The following CACNB2 variants were observed in gnomAD, a reference collection of about 807,000 sequenced individuals.
The protein encoded by CACNB2 is voltage-dependent L-type calcium channel subunit beta-2.
CACNB2 carries 42 observed loss-of-function variants against 73.3 expected under a neutral mutation model. The observed-to-expected ratio is 0.57, with a 90% CI of 0.45 to 0.74. CACNB2 has a LOEUF of 0.74. Ranked by LOEUF, CACNB2 falls within the 30% of genes least tolerant of loss-of-function variation. The probability of loss-of-function intolerance (pLI) is 0.00; values close to 1 mark genes in which losing one functional copy is unlikely to be tolerated. For missense variants in CACNB2, 940 were observed against 853.0 expected (o/e 1.10, Z -1.27); for synonymous variants, 348 against 310.3 (o/e 1.12, Z -1.28).
Position 18,145,358 on chromosome 10 carries a change from T to G in CACNB2, c.120+4502T>G, listed in dbSNP as rs146396031. Among the ~76,000 whole-genome samples the G allele has an allele frequency of 8.4e-3, 1,277 of 152,354 alleles. 18 individuals carry two copies. Among genetic ancestry groups the G allele is most frequent in the African/African-American group, 0.029 (1,217 of 41,578 alleles). On this transcript the variant is annotated intron_variant, in intron 1 of 13. Transcript: ENST00000324631. ...AGTTGGTGGTTACAGGTCCTGTGCT[T>G]TATGTTTTGCTGAAATCTTCACTCT...
At chr10:18,416,172 G>A (rs145295562) in intron 3 of CACNB2, among the ~76,000 whole-genome samples, 12 of 152,042 alleles carry the variant, frequency 7.9e-5, no homozygotes, top group African/African-American at 2.4e-4. Context: ...ACCCTTTTCA[G>A]TCTGTTATTT....
chr10:18,509,599 G>C (rs117051761), intron 6 of CACNB2, among the ~76,000 whole-genome samples: 1,931 of 152,202 alleles, frequency 0.013, 20 homozygotes, highest in African/African-American at 0.017. Flanking sequence ...AGGAGTTCAA[G>C]ACCAGCCTGG....
chr10:18,444,378 C>A (rs1343582025), intron 3 of CACNB2, among the ~76,000 whole-genome samples: 1 of 152,162 alleles, frequency 6.6e-6, no homozygotes. Flanking sequence ...CACTGTGTGT[C>A]CTTCAGCAAG....
rs1564429341 is a variant in CACNB2 at position 18,315,527 on chromosome 10, A to AC, written c.214-86397_214-86396insC. ...AAAAAAAAAAAAAAAAAAAAAAAAA[A>AC]ACTTTTTTTTTTTTTAATTAGCCAG... On this transcript the variant is annotated intron_variant, in intron 2 of 13. Transcript: ENST00000324631. Among the ~76,000 whole-genome samples, 7 of 61,928 alleles carry AC rather than the reference A, an allele frequency of 1.1e-4. 1 individual carries two copies. Among genetic ancestry groups the AC allele is most frequent in the Admixed American group, 3.8e-4 (2 of 5,246 alleles). The allele number at this position is 61,928 out of a possible 152,430, so 40.6% of individuals were successfully genotyped here.
At chr10:18,166,025 A>G (rs1477563147) in intron 2 of CACNB2, among the ~76,000 whole-genome samples, 1 of 152,150 alleles carries the variant, frequency 6.6e-6, no homozygotes, top group Admixed American at 6.5e-5. Context: ...GTAAATATCA[A>G]TTGATCTTAT....
chr10:18,431,617 C>A (rs1404702950), intron 3 of CACNB2, among the ~76,000 whole-genome samples: 8 of 152,054 alleles, frequency 5.3e-5, no homozygotes, highest in Non-Finnish European at 7.3e-5. Flanking sequence ...ATATAAATTA[C>A]AATATTTTCC....
chr10:18,269,481 G>C (rs953336514), intron 2 of CACNB2, among the ~76,000 whole-genome samples: 2 of 152,180 alleles, frequency 1.3e-5, no homozygotes, highest in African/African-American at 4.8e-5. Flanking sequence ...CTCTAGAGAA[G>C]CTGGTGAATG....
intron 3 of CACNB2, among the ~76,000 whole-genome samples, chr10:18,405,507 C>A (rs2044240793): frequency 6.6e-6 from 1 of 152,098 alleles, no homozygotes; most frequent in Non-Finnish European, 1.5e-5. Flanking sequence ...TATGTATGTA[C>A]TTTGGAGTGA....
At chr10:18,167,786 A>G (rs2032958070) in intron 2 of CACNB2, among the ~76,000 whole-genome samples, 1 of 152,196 alleles carries the variant, frequency 6.6e-6, no homozygotes, top group South Asian at 2.1e-4. Flanking sequence ...ACAAATCTAT[A>G]GTTTAAGGAA....
At chr10:18,432,710 C>T (rs1482885193) in intron 3 of CACNB2, among the ~76,000 whole-genome samples, 3 of 151,950 alleles carry the variant, frequency 2.0e-5, no homozygotes, top group Non-Finnish European at 4.4e-5. Context: ...GTGGAGTGTA[C>T]CTGTAGTCCC....
At chr10:18,292,495 A>C (rs2039107620) in intron 2 of CACNB2, among the ~76,000 whole-genome samples, 1 of 152,114 alleles carries the variant, frequency 6.6e-6, no homozygotes, top group South Asian at 2.1e-4. Context: ...GTCCCTACTA[A>C]AAATACCAAA....
chr10:18,191,852 G>A (rs538083626), intron 2 of CACNB2, among the ~76,000 whole-genome samples: 4 of 152,230 alleles, frequency 2.6e-5, no homozygotes, highest in African/African-American at 9.6e-5. Flanking sequence ...ATGGACATTT[G>A]TGTTGGTTCC....
At position 18,315,519 on chromosome 10, in the gene CACNB2, AAAAAAAAAAC is replaced by A. The variant is rs1564429270; in HGVS notation, c.214-86404_214-86395del. Among the ~76,000 whole-genome samples the A allele has an allele frequency of 1.9e-4, 25 of 133,972 alleles. 1 individual carries two copies. The highest frequency in any genetic ancestry group is 2.5e-4 in the Non-Finnish European group (16 of 62,958). The allele number at this position is 133,972 out of a possible 152,430, so 87.9% of individuals were successfully genotyped here. A position where few individuals can be genotyped will look rare whatever the true frequency, so the allele number is the denominator to read the frequency against. On this transcript the variant is annotated intron_variant, in intron 2 of 13. Transcript: ENST00000324631. Reference sequence around the variant, plus strand: ...CTATTTAAAAAAAAAAAAAAAAAAAAAAAAAAAAACTTTTTTTTTTTTTAATTAGCCAGAT... The same window carrying A: ...CTATTTAAAAAAAAAAAAAAAAAAAATTTTTTTTTTTTTAATTAGCCAGAT...
Position 18,356,942 on chromosome 10 carries a change from C to CTTTTTTTTTTTTT in CACNB2, c.214-44974_214-44962dup, listed in dbSNP as rs71402158. Among the ~76,000 whole-genome samples, 76 of 101,096 alleles carry CTTTTTTTTTTTTT rather than the reference C, an allele frequency of 7.5e-4. 6 individuals are homozygous for CTTTTTTTTTTTTT. The highest frequency in any genetic ancestry group is 5.7e-3 in the Middle Eastern group (1 of 174). The allele number at this position is 101,096 out of a possible 152,430, so 66.3% of individuals were successfully genotyped here. On this transcript the variant is annotated intron_variant, in intron 2 of 13. Transcript: ENST00000324631. ...ACTGTGCCTGGCCCAGACTCAATTTCTTTTTTTTTTTTTTTTTTTTGAGAC... is the reference window on the plus strand; with the variant it reads ...ACTGTGCCTGGCCCAGACTCAATTTCTTTTTTTTTTTTTTTTTTTTTTTTTTTTTTTTTGAGAC...
intron 2 of CACNB2, among the ~76,000 whole-genome samples, chr10:18,320,855 T>C (rs17610035): frequency 0.061 from 9,248 of 152,264 alleles, 383 homozygotes; most frequent in African/African-American, 0.12. Context: ...TTTTGGATGC[T>C]CTCAATAGTC....
intron 10 of CACNB2, among the ~76,000 whole-genome samples, chr10:18,529,458 C>T (rs998000265): frequency 1.3e-5 from 2 of 152,156 alleles, no homozygotes; most frequent in East Asian, 3.9e-4. Context: ...AGTGGTCGAG[C>T]CATGAACTGG....
chr10:18,242,481 T>C (rs2036694096), intron 2 of CACNB2, among the ~76,000 whole-genome samples: 1 of 152,202 alleles, frequency 6.6e-6, no homozygotes, highest in Admixed American at 6.5e-5. Context: ...AAGCAGCACA[T>C]ACTGTTATTT....
intron 2 of CACNB2, among the ~76,000 whole-genome samples, chr10:18,217,643 G>C (rs2035567341): frequency 6.6e-6 from 1 of 151,786 alleles, no homozygotes; most frequent in South Asian, 2.1e-4. Flanking sequence ...CACTGACAGA[G>C]TGACATTTGA....
intron 3 of CACNB2, among the ~76,000 whole-genome samples, chr10:18,428,983 A>G (rs1278833383): frequency 6.6e-6 from 1 of 152,192 alleles, no homozygotes; most frequent in African/African-American, 2.4e-5. Flanking sequence ...GTATTTGTTT[A>G]CATTTATTCA....
Sources: allele counts gnomAD v4.1 joint callset (sites outside exome capture counted in the v4.1 genomes callset), GRCh38; gene constraint gnomAD v4.1.1; transcripts MANE v1.5; gene names NCBI Gene and HGNC (gene_info 2026-07-23, HGNC 2026-07-21).